The following MYH6 variants were observed in gnomAD, a reference collection of about 807,000 sequenced individuals.
MYH6 encodes the protein myosin heavy chain 6, also known as myosin-6.
Under a neutral mutation model 223.2 loss-of-function variants are expected in MYH6, and 126 were observed. That is an observed-to-expected ratio of 0.56 (90% CI 0.49 to 0.65). The LOEUF (loss-of-function observed/expected upper bound fraction) is 0.65. Among genes scored for constraint, MYH6 ranks in the 30% least tolerant of loss-of-function variants. The pLI, the probability that MYH6 is intolerant of heterozygous loss-of-function variation, is 0.00. For synonymous variants in MYH6, 978 were observed against 1,010.2 expected (o/e 0.97, Z 0.61); for missense variants, 2,040 against 2,536.4 (o/e 0.80, Z 4.20).
At chr14:23,392,753 C>T (rs747728118) in intron 24 of MYH6, 101 bp from the exon 25 acceptor site, 190 of 1,448,956 alleles carry the variant, frequency 1.3e-4, no homozygotes, top group Non-Finnish European at 1.7e-4. Context: ...GCACCTCCCC[C>T]TCCCCTCGCC....
At chr14:23,397,995 T>C (rs1891477417) in intron 15 of MYH6, among the ~76,000 whole-genome samples, 3 of 144,798 alleles carry the variant, frequency 2.1e-5, no homozygotes, top group African/African-American at 7.9e-5. Context: ...CTTCTTCTTC[T>C]TCTTCTTCTT....
chr14:23,387,325 G>GGCCTCTA (rs1446004148), intron 32 of MYH6, among the ~76,000 whole-genome samples: 4 of 152,158 alleles, frequency 2.6e-5, no homozygotes. Context: ...CAAAACCTTT[G>GGCCTCTA]GCCTCTAATC....
chr14:23,398,206 C>T (rs949845040), intron 15 of MYH6, among the ~76,000 whole-genome samples: 4 of 151,892 alleles, frequency 2.6e-5, no homozygotes, highest in Non-Finnish European at 5.9e-5. Context: ...TTAGTAGAGA[C>T]GGGGTTTCAC....
In MYH6 at chr14:23,386,202, G is replaced by T. The variant is rs1891015538; in HGVS notation, c.4960-71C>A. ...CCTTCACTGAGGGCACCTGTCAGAG[G>T]TCCCTGCAGTAACCCAGGGGCAGGA... On this transcript the variant is annotated intron_variant, in intron 33 of 38. Transcript: ENST00000405093. 3.7e-6 allele frequency: 6 copies of T among 1,612,334 alleles called. No individual in the cohort carries two copies. The Admixed American group carries it at 1.0e-4, about 27-fold the overall frequency.
chr14:23,404,235 A>T (rs1891703291), intron 8 of MYH6, 61 bp downstream of exon 8: 4 of 1,571,428 alleles, frequency 2.5e-6, no homozygotes, highest in Non-Finnish European at 3.5e-6. Context: ...GTGGCAAAAC[A>T]GCACCCCCTT....
intron 34 of MYH6, 28 bp from the exon 35 acceptor site, chr14:23,385,069 A>T: frequency 6.2e-7 from 1 of 1,613,740 alleles, no homozygotes; most frequent in Non-Finnish European, 8.5e-7. Context: ...AAAATGATCA[A>T]ATATATACTA....
intron 10 of MYH6, 138 bp downstream of exon 10, chr14:23,403,210 C>A: frequency 5.0e-6 from 4 of 792,224 alleles, no homozygotes; most frequent in Non-Finnish European, 6.7e-6. Context: ...AGGGAGCTGG[C>A]GGAGTGAGTG....
chr14:23,406,457 A>ACC (rs1723974597), intron 3 of MYH6, among the ~76,000 whole-genome samples: 3 of 152,162 alleles, frequency 2.0e-5, no homozygotes, highest in Non-Finnish European at 4.4e-5. Flanking sequence ...ATGGGTTGTA[A>ACC]CATTCAGTCA....
At chr14:23,386,773 C>T in intron 32 of MYH6, 150 bp from the exon 33 acceptor site, 1 of 987,002 alleles carries the variant, frequency 1.0e-6, no homozygotes, top group South Asian at 1.7e-5. Flanking sequence ...CCCATGCCCA[C>T]CACGGTGCTA....
At chr14:23,390,586 A>G (rs1891210854) in intron 25 of MYH6, 140 bp from the exon 26 acceptor site, 17 of 1,504,562 alleles carry the variant, frequency 1.1e-5, no homozygotes, top group Non-Finnish European at 1.3e-5. Context: ...CCCAGGGAAC[A>G]GTTGGCAATG....
chr14:23,389,500 G>A lies in MYH6; in HGVS notation c.3871C>T (p.Arg1291Trp), dbSNP rs1372245953. 6.2e-6 allele frequency: 10 copies of A among 1,614,038 alleles called. No homozygotes were observed. Among genetic ancestry groups the A allele is most frequent in the South Asian group, 3.3e-5 (3 of 91,084 alleles). Reference sequence around the variant, plus strand: ...AGCGCCTCCTTTTCCTCTAGCTGCCGGGCCAACTCTCCTGGAGGTGAAATG... The same window carrying A: ...AGCGCCTCCTTTTCCTCTAGCTGCCAGGCCAACTCTCCTGGAGGTGAAATG... ...KLQTENGELA[R>W]QLEEKEALIS... Residue 1291 changes from arginine (R) to tryptophan (W), a missense_variant, in exon 28 of 39, where the codon CGG (arginine) becomes TGG (tryptophan). This residue lies in a region of MYH6 where 1,203 missense variants were observed against 1,400.2 expected (regional missense o/e 0.86). Coordinates refer to ENST00000405093, the MANE Select transcript of MYH6 (RefSeq NM_002471.4).
chr14:23,382,687 AGCCTTCCCAAGGGTATCCTGCAACT>A (rs1287096308), intron 37 of MYH6, 125 bp from the exon 38 acceptor site: 2 of 1,401,494 alleles, frequency 1.4e-6, no homozygotes, highest in Admixed American at 3.4e-5. Flanking sequence ...TTCCTGCAAC[AGCCTTCCCAAGGGTATCCTGCAACT>A]GCCTTGCACT....
intron 22 of MYH6, 74 bp from the exon 23 acceptor site, chr14:23,393,592 C>A: frequency 6.2e-7 from 1 of 1,614,070 alleles, no homozygotes. Flanking sequence ...ACCTCCATGC[C>A]AAGGACCAGG....
Position 23,387,620 on chromosome 14 carries a change from T to A in MYH6, c.4559A>T (p.Glu1520Val). 6.2e-7 allele frequency: 1 copy of A among 1,613,896 alleles called. No homozygotes were observed. The highest frequency in any genetic ancestry group is 8.5e-7 in the Non-Finnish European group (1 of 1,179,966). ...CAGCTCATGCACATTCTTTCCTCCTTCTCCTAGCTGCTCAGTAAGGTCCGA... is the reference window on the plus strand; with the variant it reads ...CAGCTCATGCACATTCTTTCCTCCTACTCCTAGCTGCTCAGTAAGGTCCGA... ...EISDLTEQLG[E>V]GGKNVHELEK... is the part of the protein sequence containing the mutation. The change falls in exon 32 of 39, where the codon GAA becomes GTA. Residue 1520 changes from glutamate to valine, a missense_variant. Coordinates refer to ENST00000405093, the MANE Select transcript of MYH6 (RefSeq NM_002471.4).
At chr14:23,397,369 C>A in intron 16 of MYH6, 112 bp from the exon 17 acceptor site, 1 of 1,304,670 alleles carries the variant, frequency 7.7e-7, no homozygotes, top group Non-Finnish European at 1.1e-6. Context: ...CAGGGGCTGC[C>A]ACATAATTTG....
At chr14:23,398,583 G>A (rs1327787969) in intron 15 of MYH6, 145 bp downstream of exon 15, 3 of 877,830 alleles carry the variant, frequency 3.4e-6, no homozygotes, top group Non-Finnish European at 5.6e-6. Flanking sequence ...AGCCCAGCTG[G>A]ACTGTGGTGA....
chr14:23,382,106 G>T (rs1282230597), intron 38 of MYH6, 43 bp from the exon 39 acceptor site: 1 of 1,568,536 alleles, frequency 6.4e-7, no homozygotes, highest in Admixed American at 1.7e-5. Flanking sequence ...CTGGCAAGAG[G>T]GAGAAGTGTG....
chr14:23,396,567 C>A, intron 19 of MYH6, 127 bp downstream of exon 19: 1 of 1,586,120 alleles, frequency 6.3e-7, no homozygotes, highest in South Asian at 1.1e-5. Flanking sequence ...CGGAATGAAG[C>A]CTGGGTTTCA....
rs1048757641 is a variant in MYH6, at chr14:23,407,726, G to T, written c.-46-118C>A. 1.7e-5 allele frequency: 11 copies of T among 653,990 alleles called. No individual in the cohort carries two copies. The highest frequency in any genetic ancestry group is 2.0e-5 in the Non-Finnish European group (10 of 507,606). The allele number at this position is 653,990 out of a possible 1,614,324, so 40.5% of individuals were successfully genotyped here. Reference sequence around the variant, plus strand: ...CCGGGGATGGAGGCAGCCCCAGAGCGCAGACAGGCAGGACAGACCAGGGAG... The same window carrying T: ...CCGGGGATGGAGGCAGCCCCAGAGCTCAGACAGGCAGGACAGACCAGGGAG... On this transcript the variant is annotated intron_variant, in intron 1 of 38. Coordinates refer to ENST00000405093, the MANE Select transcript of MYH6 (RefSeq NM_002471.4). This position sits in a 1 kb window ranked among gnomAD's most constrained non-coding sequence, Gnocchi z 5.6.
Sources: allele counts gnomAD v4.1 joint callset (sites outside exome capture counted in the v4.1 genomes callset), GRCh38; gene constraint gnomAD v4.1.1; regional missense constraint gnomAD v4.1.1; non-coding constraint Gnocchi (gnomAD v3.1); transcripts MANE v1.5; gene names NCBI Gene and HGNC (gene_info 2026-07-23, HGNC 2026-07-21).